NXPE2: variants seen among roughly 807,000 people sequenced by gnomAD.
The protein encoded by NXPE2 is neurexophilin and PC-esterase domain family member 2, also known as NXPE family member 2.
In NXPE2, 34 loss-of-function variants were observed where a neutral mutation model predicts 34.4. That is an observed-to-expected ratio of 0.99 (90% CI 0.75 to 1.31). The LOEUF (loss-of-function observed/expected upper bound fraction) is 1.31, where lower values mean the gene tolerates loss of function less well. Ranked by LOEUF, NXPE2 falls within the 40% of genes most tolerant of loss-of-function variation. The probability of loss-of-function intolerance (pLI) is 0.00; values close to 1 mark genes in which losing one functional copy is unlikely to be tolerated. For missense variants in NXPE2, 649 were observed against 672.5 expected (o/e 0.97, Z 0.39); for synonymous variants, 235 against 231.3 (o/e 1.02, Z -0.15).
the NXPE2 span, chr11:114,582,892 T>C: frequency 1.2e-6 from 2 of 1,614,178 alleles, no homozygotes; most frequent in East Asian, 2.2e-5. Context: ...AGTTTCTCTA[T>C]GATTTCCTTT....
chr11:114,776,545 C>T, the NXPE2 span, among the ~76,000 whole-genome samples: 26,424 of 152,224 alleles, frequency 0.17, 2,900 homozygotes, highest in East Asian at 0.54. Context: ...GGCTGGGCTG[C>T]GACAGGCTGT....
the NXPE2 span, among the ~76,000 whole-genome samples, chr11:114,650,624 C>T: frequency 6.6e-6 from 1 of 152,094 alleles, no homozygotes; most frequent in Non-Finnish European, 1.5e-5. Context: ...ACCTCTATCC[C>T]TAGGGAAGGG....
At chr11:114,612,513 C>T in the NXPE2 span, among the ~76,000 whole-genome samples, 1,561 of 151,716 alleles carry the variant, frequency 0.01, 24 homozygotes, top group African/African-American at 0.035. Context: ...AGTGTTTCCT[C>T]GGGGGTAACC....
chr11:114,745,032 A>G, the NXPE2 span, among the ~76,000 whole-genome samples: 32 of 152,194 alleles, frequency 2.1e-4, no homozygotes, highest in Admixed American at 5.2e-4. Context: ...TTCTCAGCAA[A>G]TAAATATTCA....
the NXPE2 span, among the ~76,000 whole-genome samples, chr11:114,720,128 G>A: frequency 6.6e-6 from 1 of 152,188 alleles, no homozygotes; most frequent in Admixed American, 6.5e-5. Context: ...TGTTTCTAGG[G>A]AGGCTGCTTC....
chr11:114,628,317 T>G, the NXPE2 span, among the ~76,000 whole-genome samples: 68 of 151,974 alleles, frequency 4.5e-4, no homozygotes, highest in African/African-American at 1.6e-3. Flanking sequence ...TATAACAAAC[T>G]GTCTCTCAGA....
chr11:114,599,066 T>C, the NXPE2 span, among the ~76,000 whole-genome samples: 1 of 152,162 alleles, frequency 6.6e-6, no homozygotes, highest in East Asian at 1.9e-4. Flanking sequence ...TTTTACATCT[T>C]TTTTTTGCAC....
At chr11:114,603,494 C>A in the NXPE2 span, among the ~76,000 whole-genome samples, 2 of 151,136 alleles carry the variant, frequency 1.3e-5, no homozygotes, top group African/African-American at 4.9e-5. Flanking sequence ...TAGGTAACTC[C>A]TATTACCTGG....
the NXPE2 span, among the ~76,000 whole-genome samples, chr11:114,811,263 C>A: frequency 5.3e-5 from 8 of 151,152 alleles, no homozygotes; most frequent in African/African-American, 1.9e-4. Context: ...TTCGGCACAC[C>A]AACATGGCAC....
chr11:114,508,697 A>T, the NXPE2 span, among the ~76,000 whole-genome samples: 1 of 152,266 alleles, frequency 6.6e-6, no homozygotes, highest in African/African-American at 2.4e-5. Context: ...CATATGCAGA[A>T]GATTGAAACT....
At chr11:114,641,112 G>A in the NXPE2 span, among the ~76,000 whole-genome samples, 4 of 151,992 alleles carry the variant, frequency 2.6e-5, no homozygotes, top group African/African-American at 4.8e-5. Context: ...GTAAATAGTA[G>A]TCTGGTGCAC....
At chr11:114,566,722 T>G in the NXPE2 span, among the ~76,000 whole-genome samples, 8 of 152,214 alleles carry the variant, frequency 5.3e-5, no homozygotes, top group South Asian at 4.1e-4. Flanking sequence ...TCTCTATCTC[T>G]GTATATATAG....
chr11:114,723,473 T>C, the NXPE2 span, among the ~76,000 whole-genome samples: 1 of 152,112 alleles, frequency 6.6e-6, no homozygotes, highest in Non-Finnish European at 1.5e-5. Context: ...GGCGAAAAAC[T>C]GAAGGTTAAG....
chr11:114,489,812 C>T, the NXPE2 span, among the ~76,000 whole-genome samples: 2 of 152,298 alleles, frequency 1.3e-5, no homozygotes, highest in African/African-American at 4.8e-5. Context: ...CACGGATGCC[C>T]TCTCTCACCA....
chr11:114,729,363 A>G, the NXPE2 span, among the ~76,000 whole-genome samples: 3 of 152,264 alleles, frequency 2.0e-5, no homozygotes, highest in South Asian at 6.2e-4. Flanking sequence ...TAGTACTGTG[A>G]TGAACTTACA....
chr11:114,478,541 A>G, the NXPE2 span, among the ~76,000 whole-genome samples: 22 of 152,288 alleles, frequency 1.4e-4, no homozygotes, highest in East Asian at 4.2e-3. Flanking sequence ...TTACCCTTAC[A>G]GTACTTATAA....
chr11:114,658,910 AT>A, the NXPE2 span, among the ~76,000 whole-genome samples: 42 of 152,306 alleles, frequency 2.8e-4, no homozygotes, highest in Non-Finnish European at 5.7e-4. Flanking sequence ...AGCAACAGCA[AT>A]CTACCATGGA....
chr11:114,581,455 C>A, the NXPE2 span, among the ~76,000 whole-genome samples: 1 of 152,008 alleles, frequency 6.6e-6, no homozygotes, highest in Non-Finnish European at 1.5e-5. Context: ...AAAGAGTTAA[C>A]GTTTAAAGGT....
chr11:114,554,150 A>G, the NXPE2 span: 2 of 985,334 alleles, frequency 2.0e-6, no homozygotes, highest in Non-Finnish European at 2.4e-6. Context: ...GGATTGAATC[A>G]ATGTACAGAG....
Sources: allele counts gnomAD v4.1 joint callset (sites outside exome capture counted in the v4.1 genomes callset), GRCh38; gene constraint gnomAD v4.1.1; transcripts MANE v1.5; gene names NCBI Gene and HGNC (gene_info 2026-07-23, HGNC 2026-07-21).